AKAP12: variants seen among roughly 807,000 people sequenced by gnomAD.
AKAP12 encodes the protein A-kinase anchoring protein 12.
A neutral mutation model predicts 79.9 loss-of-function variants in AKAP12; 32 were observed. The observed-to-expected ratio is 0.40, with a 90% CI of 0.30 to 0.54. The LOEUF (loss-of-function observed/expected upper bound fraction) is 0.54. AKAP12 is among the 20% of genes least tolerant of loss of function. The pLI is 0.48. For synonymous variants in AKAP12, 808 were observed against 857.0 expected (o/e 0.94, Z 1.00); for missense variants, 2,074 against 2,177.0 (o/e 0.95, Z 0.94).
At chr6:151,291,904 T>A (rs1483905897) in intron 2 of AKAP12, among the ~76,000 whole-genome samples, 1 of 152,214 alleles carries the variant, frequency 6.6e-6, no homozygotes, top group Non-Finnish European at 1.5e-5. Context: ...TCCTTCCATG[T>A]GCAGTGCCTT....
At chr6:151,323,427 T>C (rs1176219117) in intron 3 of AKAP12, among the ~76,000 whole-genome samples, 1 of 152,028 alleles carries the variant, frequency 6.6e-6, no homozygotes, top group African/African-American at 2.4e-5. Context: ...GGCATGCGCC[T>C]GTAATCCCAG....
chr6:151,319,547 G>GAT (rs202149683), intron 3 of AKAP12: 3 of 105,172 alleles, frequency 2.9e-5, no homozygotes, highest in East Asian at 2.5e-4. Context: ...TATAGATATA[G>GAT]ATATATATAT....
At chr6:151,275,369 A>T (rs1045046840) in intron 2 of AKAP12, among the ~76,000 whole-genome samples, 1 of 152,068 alleles carries the variant, frequency 6.6e-6, no homozygotes, top group African/African-American at 2.4e-5. Flanking sequence ...TGCTTTCGGG[A>T]TGTTGAGCCC....
chr6:151,327,133 T>TG (rs1777550085), intron 3 of AKAP12, among the ~76,000 whole-genome samples: 1 of 151,656 alleles, frequency 6.6e-6, no homozygotes. Flanking sequence ...TTTTTTTTTT[T>TG]TAATCAACTG....
At chr6:151,277,952 G>A (rs913942336) in intron 2 of AKAP12, among the ~76,000 whole-genome samples, 4 of 113,548 alleles carry the variant, frequency 3.5e-5, no homozygotes, top group Non-Finnish European at 3.6e-5. Context: ...TTATGTGTGT[G>A]TGTGTGTGTG....
intron 3 of AKAP12, among the ~76,000 whole-genome samples, chr6:151,322,163 C>T (rs1223302730): frequency 1.3e-5 from 2 of 152,076 alleles, no homozygotes; most frequent in East Asian, 1.9e-4. Flanking sequence ...CCACCTCAGC[C>T]TCCCAAAGTG....
In AKAP12 at chr6:151,351,587, C is replaced by G. The variant is rs1283830798; in HGVS notation, c.3196C>G (p.Leu1066Val). The change falls in exon 4 of 5, where the codon CTT (leucine) becomes GTT (valine). Residue 1066 changes from leucine (L) to valine (V), a missense_variant. Leu to Val is a conservative substitution (Grantham distance 32). This residue lies in a region of AKAP12 where 1,428 missense variants were observed against 1,451.0 expected (regional missense o/e 0.98). Coordinates refer to ENST00000402676, the MANE Select transcript of AKAP12 (RefSeq NM_005100.4). The surrounding 1 kb of genome is among the most constrained non-coding windows in gnomAD (Gnocchi z 4.4). ...LPGTGGPEDV[L>V]QPVQRAEAER... The stretch of plus-strand genomic sequence containing the variant: ...TGGCACCGGTGGGCCAGAAGATGTG[C>G]TTCAGCCTGTGCAGAGAGCAGAGGC... 4 of 1,614,036 alleles carry G rather than the reference C, an allele frequency of 2.5e-6. No homozygotes were observed. The African/African-American group carries it at 5.3e-5, about 22-fold the overall frequency.
At chr6:151,258,133 G>A (rs902231115) in intron 2 of AKAP12, among the ~76,000 whole-genome samples, 2 of 152,192 alleles carry the variant, frequency 1.3e-5, no homozygotes, top group African/African-American at 4.8e-5. Flanking sequence ...GTGAAAAGCT[G>A]TAGATTATTG....
At chr6:151,338,664 T>A (rs1428338208) in intron 3 of AKAP12, among the ~76,000 whole-genome samples, 1 of 152,176 alleles carries the variant, frequency 6.6e-6, no homozygotes, top group East Asian at 1.9e-4. Context: ...TTGGCCAGGC[T>A]GGTCTCGAAC....
Position 151,300,291 on chromosome 6 carries a change from TA to T in AKAP12, c.163-5455del, listed in dbSNP as rs1776833920. Among the ~76,000 whole-genome samples, 4 of 152,278 alleles carry T rather than the reference TA, an allele frequency of 2.6e-5. No individual in the cohort carries two copies. In the South Asian group the frequency reaches 8.3e-4, roughly 32 times the overall value. ...CTGGTTCCTTCCCACGAAGGCCACT[TA>T]CAGGTTTGCTTCTTGGTCATACTGC... On this transcript the variant is annotated intron_variant, in intron 2 of 4. Transcript: ENST00000402676.
Position 151,248,764 on chromosome 6 carries a change from C to T in AKAP12, c.162+8040C>T, listed in dbSNP as rs554366058. 3.7e-3 allele frequency among the ~76,000 whole-genome samples: 558 copies of T among 152,124 alleles called. 7 individuals are homozygous for T. The highest frequency in any genetic ancestry group is 0.013 in the African/African-American group (522 of 41,498). ...CAGCACTTTGGGAGGCCGAGGCGGG[C>T]GGATCACGAGGTCAGCAGTTCAAGA... On this transcript the variant is annotated intron_variant, in intron 2 of 4. Coordinates refer to ENST00000402676, the MANE Select transcript of AKAP12 (RefSeq NM_005100.4).
At position 151,324,012 on chromosome 6, in the gene AKAP12, A is replaced by G. The variant is rs974518544; in HGVS notation, c.319+18109A>G. ...TTTATCCATGATTTGCACAGCCAGG[A>G]CACTCTGGGGCTGGGATTGGGAGGA... On this transcript the variant is annotated intron_variant, in intron 3 of 4. Coordinates refer to ENST00000402676, the MANE Select transcript of AKAP12 (RefSeq NM_005100.4). 7.1e-5 allele frequency: 70 copies of G among 985,276 alleles called. No homozygotes were observed. In the African/African-American group the frequency reaches 1.2e-3, roughly 16 times the overall value. The allele number at this position is 985,276 out of a possible 1,614,324, so 61.0% of individuals were successfully genotyped here.
At chr6:151,245,262 A>G (rs1364336125) in intron 2 of AKAP12, among the ~76,000 whole-genome samples, 1 of 152,086 alleles carries the variant, frequency 6.6e-6, no homozygotes, top group Non-Finnish European at 1.5e-5. Context: ...GTTAGAAATT[A>G]GAATTTATAG....
chr6:151,267,861 C>T (rs1433464790), intron 2 of AKAP12, among the ~76,000 whole-genome samples: 1 of 152,120 alleles, frequency 6.6e-6, no homozygotes, highest in African/African-American at 2.4e-5. Context: ...GTTTCTTCAC[C>T]GGATTTTTCC....
At chr6:151,279,701 C>T (rs1021738892) in intron 2 of AKAP12, among the ~76,000 whole-genome samples, 2 of 151,562 alleles carry the variant, frequency 1.3e-5, no homozygotes, top group African/African-American at 2.4e-5. Context: ...AAGCAAAAGC[C>T]GGCGAGGTGG....
At chr6:151,315,212 C>T (rs1218286811) in intron 3 of AKAP12, among the ~76,000 whole-genome samples, 1 of 152,078 alleles carries the variant, frequency 6.6e-6, no homozygotes, top group Non-Finnish European at 1.5e-5. Flanking sequence ...TACCTTAGAC[C>T]AGGTAATTTA....
At chr6:151,278,733 T>C (rs1202204580) in intron 2 of AKAP12, among the ~76,000 whole-genome samples, 1 of 151,802 alleles carries the variant, frequency 6.6e-6, no homozygotes, top group Non-Finnish European at 1.5e-5. Context: ...AGTGGCGCGA[T>C]CTCCGCTCAC....
intron 3 of AKAP12, among the ~76,000 whole-genome samples, chr6:151,314,465 C>G (rs575236885): frequency 6.6e-6 from 1 of 152,286 alleles, no homozygotes; most frequent in South Asian, 2.1e-4. Context: ...AATCCCTTCA[C>G]AAATGTGGCC....
chr6:151,320,905 G>T (rs1314295028), intron 3 of AKAP12, among the ~76,000 whole-genome samples: 1 of 152,030 alleles, frequency 6.6e-6, no homozygotes, highest in South Asian at 2.1e-4. Context: ...CCCATTTAAA[G>T]TACACAGTTC....
Sources: allele counts gnomAD v4.1 joint callset (sites outside exome capture counted in the v4.1 genomes callset), GRCh38; gene constraint gnomAD v4.1.1; regional missense constraint gnomAD v4.1.1; non-coding constraint Gnocchi (gnomAD v3.1); transcripts MANE v1.5; gene names NCBI Gene and HGNC (gene_info 2026-07-23, HGNC 2026-07-21).